SIL1: variants seen among roughly 807,000 people sequenced by gnomAD.
SIL1 encodes nucleotide exchange factor SIL1.
In SIL1, 40 loss-of-function variants were observed where a neutral mutation model predicts 49.1. That is an observed-to-expected ratio of 0.81 (90% CI 0.63 to 1.06). SIL1 has a LOEUF of 1.06. SIL1 is among the 50% of genes least tolerant of loss of function. The probability of loss-of-function intolerance (pLI) is 0.00; values close to 1 mark genes in which losing one functional copy is unlikely to be tolerated. For synonymous variants in SIL1, 253 were observed against 250.8 expected (o/e 1.01, Z -0.08); for missense variants, 500 against 572.6 (o/e 0.87, Z 1.29).
rs375337882 is a variant in SIL1, at chr5:139,051,469, A to G, written c.245-423T>C. On this transcript the variant is annotated intron_variant, in intron 3 of 9. Transcript: ENST00000394817. ...CCCTTCCTGCCCCTCCTCGACAGTC[A>G]GTCCCACAGGGCCCCAGACAGCCTG... 2.2e-4 allele frequency among the ~76,000 whole-genome samples: 33 copies of G among 152,300 alleles called. No individual in the cohort carries two copies. The East Asian group carries it at 4.8e-3, about 22-fold the overall frequency.
At chr5:139,048,616 C>T (rs988554928) in intron 4 of SIL1, among the ~76,000 whole-genome samples, 4 of 152,042 alleles carry the variant, frequency 2.6e-5, no homozygotes, top group African/African-American at 9.7e-5. Context: ...ACGATCCACC[C>T]GCCTCAGCCT....
chr5:139,096,086 C>G (rs774993401), intron 3 of SIL1, among the ~76,000 whole-genome samples: 1 of 152,170 alleles, frequency 6.6e-6, no homozygotes, highest in Non-Finnish European at 1.5e-5. Flanking sequence ...CGCCCACCCC[C>G]CCAACAGTGG....
At chr5:139,097,020 G>C (rs1355773321) in intron 3 of SIL1, among the ~76,000 whole-genome samples, 2 of 152,054 alleles carry the variant, frequency 1.3e-5, no homozygotes, top group African/African-American at 4.8e-5. Context: ...AAGAGCCCTT[G>C]GGCCTTAAGG....
At chr5:138,956,919 T>C (rs1250591243) in intron 7 of SIL1, among the ~76,000 whole-genome samples, 1 of 152,164 alleles carries the variant, frequency 6.6e-6, no homozygotes, top group African/African-American at 2.4e-5. Flanking sequence ...TGTTGGGACC[T>C]GTATGGCCTC....
At position 139,067,923 on chromosome 5, in the gene SIL1, G is replaced by A. The variant is rs573026687; in HGVS notation, c.245-16877C>T. ...TGTTCACTATAGCATTCTAATAATT[G>A]TAAACAATGAGAAGCAATACAAATG... On this transcript the variant is annotated intron_variant, in intron 3 of 9. Transcript: ENST00000394817. Among the ~76,000 whole-genome samples the A allele has an allele frequency of 1.3e-4, 20 of 152,298 alleles. 1 individual carries two copies.
chr5:138,960,001 G>T (rs1766984078), intron 7 of SIL1, among the ~76,000 whole-genome samples: 3 of 152,154 alleles, frequency 2.0e-5, no homozygotes, highest in African/African-American at 7.2e-5. Flanking sequence ...AATAAATATT[G>T]TCAGGAGGCA....
intron 7 of SIL1, among the ~76,000 whole-genome samples, chr5:138,968,350 CCT>C (rs1478005503): frequency 6.6e-6 from 1 of 152,092 alleles, no homozygotes; most frequent in Admixed American, 6.5e-5. Context: ...TGAAAATGAC[CCT>C]GTTTCAGGAC....
At chr5:138,979,236 T>C (rs2150397934) in intron 7 of SIL1, among the ~76,000 whole-genome samples, 1 of 152,178 alleles carries the variant, frequency 6.6e-6, no homozygotes, top group South Asian at 2.1e-4. Flanking sequence ...AGCTAATTTC[T>C]GTATTTTTAG....
At chr5:139,117,683 G>A (rs1157532334) in intron 3 of SIL1, among the ~76,000 whole-genome samples, 6 of 152,110 alleles carry the variant, frequency 3.9e-5, no homozygotes, top group South Asian at 2.1e-4. Context: ...CTGTGCCTCC[G>A]TAAGGTGAGG....
At chr5:139,020,427 T>A (rs759339115) in intron 7 of SIL1, among the ~76,000 whole-genome samples, 1 of 152,252 alleles carries the variant, frequency 6.6e-6, no homozygotes, top group African/African-American at 2.4e-5. Flanking sequence ...CATCTAAGCA[T>A]CTAATAGCCT....
At chr5:139,166,863 CAGTGGCA>C (rs1751634452) in intron 1 of SIL1, among the ~76,000 whole-genome samples, 1 of 152,166 alleles carries the variant, frequency 6.6e-6, no homozygotes, top group South Asian at 2.1e-4. Context: ...GGCTGGAGTG[CAGTGGCA>C]CAATCTCAGC....
intron 6 of SIL1, among the ~76,000 whole-genome samples, chr5:139,023,231 C>A (rs1181537412): frequency 4.6e-5 from 7 of 152,178 alleles, no homozygotes; most frequent in Non-Finnish European, 8.8e-5. Flanking sequence ...GCTGGGCCCC[C>A]CCCTGGTGAC....
intron 9 of SIL1, among the ~76,000 whole-genome samples, chr5:138,949,123 G>A (rs116921589): frequency 2.6e-5 from 4 of 152,358 alleles, no homozygotes; most frequent in East Asian, 1.9e-4. Flanking sequence ...CAGGGACTGC[G>A]GATTATTTTC....
At chr5:139,110,582 A>G (rs993789518) in intron 3 of SIL1, among the ~76,000 whole-genome samples, 4 of 152,224 alleles carry the variant, frequency 2.6e-5, no homozygotes, top group Admixed American at 2.6e-4. Context: ...TAATAACAAA[A>G]CAAAACCCCC....
chr5:139,197,911 A>T (rs1286479524), intron 1 of SIL1, among the ~76,000 whole-genome samples: 1 of 152,218 alleles, frequency 6.6e-6, no homozygotes, highest in East Asian at 1.9e-4. Context: ...GGTCTCGGAG[A>T]TCAACACCAA....
In SIL1 at chr5:138,947,708, T is replaced by A. The variant is rs972902728; in HGVS notation, c.1030-235A>T. On this transcript the variant is annotated intron_variant, in intron 9 of 9. Transcript: ENST00000394817. This position sits in a 1 kb window ranked among gnomAD's most constrained non-coding sequence, Gnocchi z 4.1. ...TGAAGAAACCACGATGGAGACATAG[T>A]CTTACCCTCAAGGAGCTTAAGGTCT... is the stretch of plus-strand genomic sequence containing the variant. 1.3e-5 allele frequency among the ~76,000 whole-genome samples: 2 copies of A among 152,218 alleles called. No individual in the cohort carries two copies. The highest frequency in any genetic ancestry group is 2.9e-5 in the Non-Finnish European group (2 of 68,038).
chr5:139,036,703 G>A (rs546488987), intron 5 of SIL1, among the ~76,000 whole-genome samples: 56 of 152,284 alleles, frequency 3.7e-4, no homozygotes, highest in African/African-American at 1.2e-3. Flanking sequence ...TTGGGTGGAG[G>A]ATGGGAATAG....
Position 138,951,867 on chromosome 5 carries a change from A to G in SIL1, c.785T>C (p.Val262Ala), listed in dbSNP as rs145211892. Residue 262 changes from valine (V) to alanine (A), a missense_variant, in exon 8 of 10, where the codon GTG becomes GCG. Transcript: ENST00000394817. ...AAFSSNPKVQ[V>A]EAIEGGALQK... ...CAGGGCTCCCCCTTCGATGGCCTCC[A>G]CCTGGACCTTGGGGTTGCTGGGGAA... 4.3e-6 allele frequency: 7 copies of G among 1,613,790 alleles called. No homozygotes were observed. The African/African-American group carries it at 6.7e-5, about 15-fold the overall frequency.
intron 7 of SIL1, among the ~76,000 whole-genome samples, chr5:138,983,130 C>T (rs1287423440): frequency 7.5e-6 from 1 of 134,148 alleles, no homozygotes; most frequent in East Asian, 2.4e-4. Flanking sequence ...ACCCAGAAGG[C>T]AGAGGGTGCA....
Sources: allele counts gnomAD v4.1 joint callset (sites outside exome capture counted in the v4.1 genomes callset), GRCh38; gene constraint gnomAD v4.1.1; non-coding constraint Gnocchi (gnomAD v3.1); transcripts MANE v1.5; gene names NCBI Gene and HGNC (gene_info 2026-07-23, HGNC 2026-07-21).